SCAPER: variants seen among roughly 807,000 people sequenced by gnomAD.
SCAPER encodes S-phase cyclin A associated protein in the ER.
In SCAPER, 98 loss-of-function variants were observed where a neutral mutation model predicts 182.2. The observed-to-expected ratio is 0.54, with a 90% CI of 0.46 to 0.64. The LOEUF (loss-of-function observed/expected upper bound fraction) is 0.64, where lower values mean the gene tolerates loss of function less well. SCAPER is among the 30% of genes least tolerant of loss of function. The probability of loss-of-function intolerance (pLI) is 0.00; values close to 1 mark genes in which losing one functional copy is unlikely to be tolerated. For synonymous variants in SCAPER, 605 were observed against 564.6 expected (o/e 1.07, Z -1.01); for missense variants, 1,432 against 1,690.0 (o/e 0.85, Z 2.68).
chr15:76,853,097 G>A (rs2070932557), intron 4 of SCAPER, among the ~76,000 whole-genome samples: 1 of 152,040 alleles, frequency 6.6e-6, no homozygotes, highest in Non-Finnish European at 1.5e-5. Context: ...ATAAATTCCT[G>A]GACACATACT....
At chr15:76,849,143 C>G (rs746964661) in intron 4 of SCAPER, among the ~76,000 whole-genome samples, 1 of 152,112 alleles carries the variant, frequency 6.6e-6, no homozygotes, top group Non-Finnish European at 1.5e-5. Flanking sequence ...ACTCCCTGCT[C>G]CCCAACAAAC....
chr15:76,888,859 C>T (rs1018707995), intron 1 of SCAPER, among the ~76,000 whole-genome samples: 1 of 152,056 alleles, frequency 6.6e-6, no homozygotes, highest in African/African-American at 2.4e-5. Context: ...AAGAGGAACC[C>T]CAAGATACAT....
intron 5 of SCAPER, among the ~76,000 whole-genome samples, chr15:76,834,871 T>A (rs1469319922): frequency 1.3e-5 from 2 of 151,868 alleles, no homozygotes; most frequent in Non-Finnish European, 2.9e-5. Context: ...AAATCCTGAA[T>A]AAACCAATAA....
At chr15:76,526,303 C>CT (rs1473002317) in intron 23 of SCAPER, among the ~76,000 whole-genome samples, 2 of 152,084 alleles carry the variant, frequency 1.3e-5, no homozygotes, top group African/African-American at 4.8e-5. Flanking sequence ...GAACATATTG[C>CT]TGTATTGGTT....
intron 23 of SCAPER, among the ~76,000 whole-genome samples, chr15:76,542,830 T>C (rs1170093018): frequency 6.6e-6 from 1 of 152,108 alleles, no homozygotes; most frequent in Non-Finnish European, 1.5e-5. Flanking sequence ...GCCAAGTATG[T>C]TACACGTGCT....
At chr15:76,423,510 TTTC>T (rs1339717221) in intron 26 of SCAPER, among the ~76,000 whole-genome samples, 1 of 152,210 alleles carries the variant, frequency 6.6e-6, no homozygotes, top group Non-Finnish European at 1.5e-5. Context: ...TATTCTCTCT[TTTC>T]TTCTTTATTA....
chr15:76,613,195 G>A (rs1211216861), intron 22 of SCAPER, among the ~76,000 whole-genome samples: 1 of 152,200 alleles, frequency 6.6e-6, no homozygotes, highest in East Asian at 1.9e-4. Flanking sequence ...TCAATAAATG[G>A]TGTGGGGATA....
chr15:76,354,001 T>G lies in SCAPER; in HGVS notation c.3995A>C (p.Lys1332Thr). The change falls in exon 30 of 32, where the codon AAG (lysine) becomes ACG (threonine). Residue 1332 changes from lysine (K) to threonine (T), a missense_variant. Lys to Thr is a moderately conservative substitution (Grantham distance 78). Coordinates refer to ENST00000563290, the MANE Select transcript of SCAPER (RefSeq NM_020843.4). This position sits in a 1 kb window ranked among gnomAD's most constrained non-coding sequence, Gnocchi z 4.4. Reference protein sequence around the residue: ...IAACYNNHQNKIILEQEMSCV... With the variant: ...IAACYNNHQNTIILEQEMSCV... ...GCTCATCTCTTGCTCCAGAATGATC[T>G]TGTTCTGATGGTTGTTGTAACAAGC... The G allele has an allele frequency of 1.9e-6, 3 of 1,604,550 alleles. No homozygotes were observed. The highest frequency in any genetic ancestry group is 2.5e-6 in the Non-Finnish European group (3 of 1,177,128).
intron 23 of SCAPER, among the ~76,000 whole-genome samples, chr15:76,534,449 A>T (rs967666330): frequency 1.8e-4 from 27 of 152,206 alleles, no homozygotes; most frequent in African/African-American, 5.8e-4. Flanking sequence ...AGTAAGTAAT[A>T]TGAGAGGCAA....
In SCAPER at chr15:76,681,348, C is replaced by A. The variant is rs536109696; in HGVS notation, c.2509-15559G>T. ...TGTCCACTTAAAAACAAATCCTCAA[C>A]TAAAAGATAAATACTATAAGACTAG... On this transcript the variant is annotated intron_variant, in intron 20 of 31. Coordinates refer to ENST00000563290, the MANE Select transcript of SCAPER (RefSeq NM_020843.4). 1.9e-3 allele frequency among the ~76,000 whole-genome samples: 294 copies of A among 152,292 alleles called. 1 individual carries two copies. The highest frequency in any genetic ancestry group is 6.6e-3 in the African/African-American group (275 of 41,564).
At chr15:76,482,712 T>C (rs1349388094) in intron 24 of SCAPER, among the ~76,000 whole-genome samples, 2 of 151,170 alleles carry the variant, frequency 1.3e-5, no homozygotes, top group African/African-American at 2.4e-5. Flanking sequence ...CAATGACAAA[T>C]TGGAATTTGA....
rs565577757 is a variant in SCAPER, at chr15:76,518,136, A to G, written c.2839-13162T>C. On this transcript the variant is annotated intron_variant, in intron 23 of 31. Coordinates refer to ENST00000563290, the MANE Select transcript of SCAPER (RefSeq NM_020843.4). The stretch of plus-strand genomic sequence containing the variant: ...TGGGTAAGGTGGCAGGAAATGTGGG[A>G]AAATGTGGGACCAGGGTTAGAAAAG... 2.3e-3 allele frequency among the ~76,000 whole-genome samples: 347 copies of G among 152,298 alleles called. 1 individual carries two copies. The highest frequency in any genetic ancestry group is 8.0e-3 in the African/African-American group (333 of 41,556).
intron 21 of SCAPER, among the ~76,000 whole-genome samples, chr15:76,654,112 C>G (rs569739681): frequency 2.0e-5 from 3 of 152,144 alleles, no homozygotes; most frequent in African/African-American, 7.2e-5. Context: ...CTCAGCATCA[C>G]TAATAATCAG....
At chr15:76,869,338 G>C (rs1449641970) in intron 2 of SCAPER, among the ~76,000 whole-genome samples, 1 of 151,774 alleles carries the variant, frequency 6.6e-6, no homozygotes, top group Non-Finnish European at 1.5e-5. Context: ...CCACAGAGTG[G>C]AAGAAAATAT....
intron 17 of SCAPER, among the ~76,000 whole-genome samples, chr15:76,728,378 T>C (rs1048877989): frequency 6.6e-6 from 1 of 152,112 alleles, no homozygotes; most frequent in African/African-American, 2.4e-5. Flanking sequence ...TCAAATTATA[T>C]ATTTTTTGAT....
At chr15:76,825,171 C>T (rs1487662783) in intron 5 of SCAPER, among the ~76,000 whole-genome samples, 1 of 152,186 alleles carries the variant, frequency 6.6e-6, no homozygotes, top group Non-Finnish European at 1.5e-5. Flanking sequence ...CAATTATATG[C>T]TTTTATTCAG....
intron 23 of SCAPER, among the ~76,000 whole-genome samples, chr15:76,546,259 C>A (rs139309675): frequency 6.6e-6 from 1 of 152,102 alleles, no homozygotes; most frequent in Admixed American, 6.5e-5. Context: ...TTGAGTACCA[C>A]TCCTTTTTAA....
chr15:76,748,968 A>G (rs2061950819), intron 15 of SCAPER, among the ~76,000 whole-genome samples: 1 of 152,084 alleles, frequency 6.6e-6, no homozygotes, highest in South Asian at 2.1e-4. Flanking sequence ...ATTCTACACA[A>G]ACAACTCTAA....
At chr15:76,873,086 CAA>C (rs1212539502) in intron 2 of SCAPER, among the ~76,000 whole-genome samples, 13 of 57,566 alleles carry the variant, frequency 2.3e-4, no homozygotes, top group Non-Finnish European at 1.6e-4. Context: ...CTTGTCTCTA[CAA>C]AAAAAAAAAA....
Sources: allele counts gnomAD v4.1 joint callset (sites outside exome capture counted in the v4.1 genomes callset), GRCh38; gene constraint gnomAD v4.1.1; non-coding constraint Gnocchi (gnomAD v3.1); transcripts MANE v1.5; gene names NCBI Gene and HGNC (gene_info 2026-07-23, HGNC 2026-07-21).